The following DAB1 variants were observed in gnomAD, a reference collection of about 807,000 sequenced individuals.
DAB1 encodes DAB adaptor protein 1.
Under a neutral mutation model 64.6 loss-of-function variants are expected in DAB1, and 15 were observed. The observed-to-expected ratio is 0.23, with a 90% CI of 0.16 to 0.36. The LOEUF (loss-of-function observed/expected upper bound fraction) is 0.36, where lower values mean the gene tolerates loss of function less well. DAB1 is among the 10% of genes least tolerant of loss of function. The pLI is 1.00. For synonymous variants in DAB1, 235 were observed against 251.9 expected, an observed-to-expected ratio of 0.93 and a Z score of 0.64; for missense variants, 596 against 706.7, an observed-to-expected ratio of 0.84 and a Z score of 1.78.
chr1:58,354,986 G>T (rs765579470), intron 3 of DAB1, among the ~76,000 whole-genome samples: 2 of 152,106 alleles, frequency 1.3e-5, no homozygotes, highest in Non-Finnish European at 2.9e-5. Context: ...CCTGGACGAG[G>T]TCCAGCTATA....
intron 14 of DAB1, among the ~76,000 whole-genome samples, chr1:57,007,020 C>G (rs1381001577): frequency 6.6e-6 from 1 of 152,066 alleles, no homozygotes; most frequent in Non-Finnish European, 1.5e-5. Flanking sequence ...CTCCCTACCT[C>G]CTTTTTTTTC....
intron 7 of DAB1, among the ~76,000 whole-genome samples, chr1:57,612,312 C>A (rs1431928713): frequency 6.6e-6 from 1 of 152,014 alleles, no homozygotes; most frequent in Non-Finnish European, 1.5e-5. Context: ...CACATCCTGT[C>A]CTAATCCCCA....
intron 5 of DAB1, among the ~76,000 whole-genome samples, chr1:57,998,578 G>T (rs1281914309): frequency 2.6e-5 from 4 of 151,950 alleles, no homozygotes; most frequent in African/African-American, 9.7e-5. Flanking sequence ...TGGCCAGGCT[G>T]GTCTCAAACT....
chr1:57,067,395 C>G (rs944062732), intron 8 of DAB1, among the ~76,000 whole-genome samples: 3 of 152,094 alleles, frequency 2.0e-5, no homozygotes, highest in African/African-American at 7.2e-5. Context: ...CTACCTATTG[C>G]TAGCTCTGGG....
At chr1:57,979,622 A>T (rs1646013124) in intron 5 of DAB1, among the ~76,000 whole-genome samples, 2 of 152,368 alleles carry the variant, frequency 1.3e-5, no homozygotes, top group South Asian at 4.1e-4. Context: ...ATGAGAAGTC[A>T]CTTCCTCCAG....
At chr1:58,109,336 T>C (rs1651843140) in intron 5 of DAB1, among the ~76,000 whole-genome samples, 1 of 152,230 alleles carries the variant, frequency 6.6e-6, no homozygotes, top group Admixed American at 6.5e-5. Context: ...CTGCATCTGT[T>C]AAGAATCTTT....
intron 6 of DAB1, among the ~76,000 whole-genome samples, chr1:57,695,905 A>G (rs1386848164): frequency 6.6e-6 from 1 of 152,162 alleles, no homozygotes; most frequent in Admixed American, 6.5e-5. Context: ...CATCTCAAAC[A>G]AAACAAAAAA....
chr1:58,238,975 T>A (rs1037122260), intron 4 of DAB1, among the ~76,000 whole-genome samples: 1 of 152,152 alleles, frequency 6.6e-6, no homozygotes, highest in Non-Finnish European at 1.5e-5. Context: ...GCAGTTCCGA[T>A]AAAGATCCTT....
intron 2 of DAB1, among the ~76,000 whole-genome samples, chr1:57,194,606 AAC>A (rs904048916): frequency 2.0e-5 from 3 of 152,178 alleles, no homozygotes; most frequent in Non-Finnish European, 2.9e-5. Context: ...AAAATCCATT[AAC>A]ACCTGAGGTG....
At chr1:57,196,616 C>A (rs1664643965) in intron 2 of DAB1, among the ~76,000 whole-genome samples, 1 of 152,218 alleles carries the variant, frequency 6.6e-6, no homozygotes, top group Non-Finnish European at 1.5e-5. Context: ...TCACTTGAGT[C>A]ACTGTGCACC....
intron 7 of DAB1, among the ~76,000 whole-genome samples, chr1:57,478,975 C>T (rs1643976653): frequency 6.6e-6 from 1 of 152,064 alleles, no homozygotes; most frequent in African/African-American, 2.4e-5. Flanking sequence ...GTAGATTTCT[C>T]TTATGGACAC....
chr1:57,051,213 T>G (rs1380847338), intron 9 of DAB1, among the ~76,000 whole-genome samples: 2 of 152,230 alleles, frequency 1.3e-5, no homozygotes, highest in African/African-American at 2.4e-5. Context: ...ATATGCAGAT[T>G]CAAATTCCCT....
At chr1:57,306,008 A>G (rs570023399) in intron 1 of DAB1, among the ~76,000 whole-genome samples, 12 of 151,732 alleles carry the variant, frequency 7.9e-5, no homozygotes, top group Admixed American at 7.2e-4. Flanking sequence ...GAAAACAATG[A>G]CTTTCATGAG....
chr1:57,105,258 A>T (rs1051802874), intron 4 of DAB1, among the ~76,000 whole-genome samples: 2 of 151,944 alleles, frequency 1.3e-5, no homozygotes, highest in African/African-American at 2.4e-5. Context: ...ACACACTGGG[A>T]TTGGGGGTGG....
At chr1:58,008,557 A>G (rs1431381256) in intron 5 of DAB1, among the ~76,000 whole-genome samples, 1 of 152,206 alleles carries the variant, frequency 6.6e-6, no homozygotes, top group Non-Finnish European at 1.5e-5. Flanking sequence ...AATCATGGAT[A>G]AAGATCAGGG....
At chr1:57,634,467 T>C (rs1646028148) in intron 7 of DAB1, among the ~76,000 whole-genome samples, 1 of 152,218 alleles carries the variant, frequency 6.6e-6, no homozygotes, top group Non-Finnish European at 1.5e-5. Flanking sequence ...TATAATAGTA[T>C]GCATATCCCT....
chr1:57,618,148 C>T (rs773846927), intron 7 of DAB1, among the ~76,000 whole-genome samples: 4 of 152,292 alleles, frequency 2.6e-5, no homozygotes, highest in East Asian at 3.9e-4. Flanking sequence ...GGCGCGGTGG[C>T]TCACGCCTGT....
chr1:57,089,598 T>C (rs751200074), intron 4 of DAB1, among the ~76,000 whole-genome samples: 7 of 152,020 alleles, frequency 4.6e-5, no homozygotes, highest in African/African-American at 7.2e-5. Context: ...AGCTGCCACA[T>C]ACTTAAACAA....
intron 3 of DAB1, among the ~76,000 whole-genome samples, chr1:58,371,750 C>T (rs1448939528): frequency 3.9e-5 from 6 of 152,162 alleles, no homozygotes; most frequent in African/African-American, 1.2e-4. Flanking sequence ...GCAGCTGCTC[C>T]ACCTCCCACT....
Sources: gnomAD v4.1 joint callset for allele counts (sites outside exome capture counted in the v4.1 genomes callset) on GRCh38, gnomAD v4.1.1 for gene constraint, MANE v1.5 for transcripts, NCBI Gene and HGNC (gene_info 2026-07-23, HGNC 2026-07-21) for gene names.